NECTIN4: variants seen among roughly 807,000 people sequenced by gnomAD.
NECTIN4 encodes nectin-4.
A neutral mutation model predicts 51.7 loss-of-function variants in NECTIN4; 19 were observed. That is an observed-to-expected ratio of 0.37 (90% CI 0.26 to 0.54). The LOEUF is 0.54. Ranked by LOEUF, NECTIN4 falls within the 20% of genes least tolerant of loss-of-function variation. The pLI is 0.86. For synonymous variants in NECTIN4, 283 were observed against 286.9 expected, an observed-to-expected ratio of 0.99 and a Z score of 0.14; for missense variants, 619 against 662.4, an observed-to-expected ratio of 0.93 and a Z score of 0.72.
chr1:161,074,871 C>T lies in NECTIN4; in HGVS notation c.852-112G>A. Reference sequence around the variant, plus strand: ...ACCCCCATGACGTCACCCAGAGCCGCAGGCTGTTCCCACGGTGCCCCTCCC... The same window carrying T: ...ACCCCCATGACGTCACCCAGAGCCGTAGGCTGTTCCCACGGTGCCCCTCCC... On this transcript the variant is annotated intron_variant, in intron 4 of 8. Coordinates refer to ENST00000368012, the MANE Select transcript of NECTIN4 (RefSeq NM_030916.3). The T allele has an allele frequency of 5.8e-6, 7 of 1,200,140 alleles. No homozygotes were observed. The South Asian group carries it at 1.0e-4, about 17-fold the overall frequency. 74.3% of individuals were successfully genotyped at this position (1,200,140 alleles called of 1,614,324 possible). A position where few individuals can be genotyped will look rare whatever the true frequency, so the allele number is the denominator to read the frequency against.
intron 1 of NECTIN4, among the ~76,000 whole-genome samples, chr1:161,084,052 G>C (rs575284485): frequency 2.0e-5 from 3 of 152,240 alleles, no homozygotes; most frequent in African/African-American, 7.2e-5. Flanking sequence ...GGATCGTAGA[G>C]GTGGGTCTGT....
chr1:161,075,787 A>G (rs375480186), intron 4 of NECTIN4, among the ~76,000 whole-genome samples: 1 of 148,822 alleles, frequency 6.7e-6, no homozygotes, highest in East Asian at 2.0e-4. Flanking sequence ...AATAAAAATA[A>G]AAGACAAGGG....
At chr1:161,073,445 A>AT in intron 7 of NECTIN4, 146 bp from the exon 8 acceptor site, 7 of 753,678 alleles carry the variant, frequency 9.3e-6, no homozygotes, top group Non-Finnish European at 1.1e-5. Context: ...AAACATCCTC[A>AT]TTTCCCCACT....
chr1:161,079,973 C>T, intron 1 of NECTIN4, 24 bp from the exon 2 acceptor site: 1 of 1,578,532 alleles, frequency 6.3e-7, no homozygotes. Context: ...AGAGGGACAG[C>T]CACCATTAGG....
intron 1 of NECTIN4, among the ~76,000 whole-genome samples, chr1:161,088,550 G>T (rs1026811899): frequency 1.2e-4 from 18 of 152,142 alleles, no homozygotes; most frequent in African/African-American, 4.1e-4. Flanking sequence ...TATCTAGAAG[G>T]TTCCCTTCCT....
At chr1:161,074,501 C>T (rs1653323332) in intron 5 of NECTIN4, 110 bp downstream of exon 5, 10 of 1,573,316 alleles carry the variant, frequency 6.4e-6, no homozygotes, top group Non-Finnish European at 8.7e-6. Flanking sequence ...CACAGCCCAG[C>T]CCCCTCTGAA....
At position 161,072,856 on chromosome 1, in the gene NECTIN4, G is replaced by A. The variant is rs141513567; in HGVS notation, c.1338C>T (p.Ser446=). The stretch of plus-strand genomic sequence containing the variant: ...CTATCTCCCTCACCGTGGTCAGCGT[G>A]GAGTAACTGCGGCCCTCGGGCTCTT... The part of the protein sequence containing the change: ...MSEEPEGRSY[S]TLTTVREIET... The change falls in exon 9 of 9, where the codon TCC becomes TCT. Residue 446 remains serine, a synonymous_variant. Transcript: ENST00000368012. The A allele has an allele frequency of 2.8e-4, 459 of 1,614,076 alleles. 3 individuals carry two copies. The Admixed American group carries it at 7.6e-3, about 27-fold the overall frequency.
At chr1:161,079,368 A>G (rs1236925020) in intron 2 of NECTIN4, among the ~76,000 whole-genome samples, 1 of 152,252 alleles carries the variant, frequency 6.6e-6, no homozygotes, top group Non-Finnish European at 1.5e-5. Flanking sequence ...GTCGGAAGGA[A>G]GAACTTCCTA....
chr1:161,086,335 G>T (rs1653944455), intron 1 of NECTIN4, among the ~76,000 whole-genome samples: 1 of 152,096 alleles, frequency 6.6e-6, no homozygotes. Flanking sequence ...GGCTTCCCTG[G>T]GATTCTCCCA....
At chr1:161,074,836 T>G (rs1653340204) in intron 4 of NECTIN4, 77 bp from the exon 5 acceptor site, 9 of 1,462,342 alleles carry the variant, frequency 6.2e-6, no homozygotes, top group East Asian at 2.4e-5. Flanking sequence ...CAGACAGCTC[T>G]CCACCCTCCA....
At chr1:161,083,166 G>A (rs948136831) in intron 1 of NECTIN4, among the ~76,000 whole-genome samples, 1 of 152,112 alleles carries the variant, frequency 6.6e-6, no homozygotes, top group Non-Finnish European at 1.5e-5. Flanking sequence ...AGTAAAACAG[G>A]AAATTCCCTT....
At position 161,072,689 on chromosome 1, in the gene NECTIN4, T is replaced by C. The variant is rs1653227559; in HGVS notation, c.1505A>G (p.Tyr502Cys). ...GACCAGGTGTCCCCGCCCATTGATG[T>C]AGATGCCATTGCCCGTGGGCTTGGC... ...LRAKPTGNGI[Y>C]INGRGHLV The change falls in exon 9 of 9, where the codon TAC (tyrosine) becomes TGC (cysteine). Residue 502 changes from tyrosine (Y) to cysteine (C), a missense_variant. Transcript: ENST00000368012. 1.2e-6 allele frequency: 2 copies of C among 1,614,096 alleles called. No individual in the cohort carries two copies. The highest frequency in any genetic ancestry group is 2.2e-5 in the South Asian group (2 of 91,092).
At position 161,089,095 on chromosome 1, in the gene NECTIN4, A is replaced by C; in HGVS notation, c.79+123T>G. 1.1e-6 allele frequency: 1 copy of C among 918,980 alleles called. No individual in the cohort carries two copies. Among genetic ancestry groups the C allele is most frequent in the Non-Finnish European group, 1.8e-6 (1 of 559,708 alleles). The allele number at this position is 918,980 out of a possible 1,614,324, so 56.9% of individuals were successfully genotyped here. ...TGGGGGCAGGAGAGACTGGATCCTC[A>C]GTTCAGAGTCAAAGAAAGGAGGATA... On this transcript the variant is annotated intron_variant, in intron 1 of 8. Transcript: ENST00000368012. This position sits in a 1 kb window ranked among gnomAD's most constrained non-coding sequence, Gnocchi z 4.1.
intron 4 of NECTIN4, 105 bp downstream of exon 4, chr1:161,076,250 T>G: frequency 7.6e-7 from 1 of 1,307,400 alleles, no homozygotes; most frequent in Non-Finnish European, 1.1e-6. Flanking sequence ...CCCAATTTAT[T>G]TGGGGGCTCA....
rs988899910 is a variant in NECTIN4 at position 161,072,391 on chromosome 1, C to T, written c.*270G>A. 2.0e-5 allele frequency: 11 copies of T among 553,244 alleles called. No individual in the cohort carries two copies. Among genetic ancestry groups the T allele is most frequent in the Admixed American group, 1.8e-4 (6 of 33,098 alleles). The allele number at this position is 553,244 out of a possible 1,614,324, so 34.3% of individuals were successfully genotyped here. On this transcript the variant is annotated 3_prime_UTR_variant, in exon 9 of 9. Coordinates refer to ENST00000368012, the MANE Select transcript of NECTIN4 (RefSeq NM_030916.3). ...CACCACGGACACAGTCACCCCTCCACGGACAGTCACCCCTCCACACACACA... is the reference window on the plus strand; with the variant it reads ...CACCACGGACACAGTCACCCCTCCATGGACAGTCACCCCTCCACACACACA...
chr1:161,073,666 C>T (rs887277762), intron 7 of NECTIN4, 54 bp downstream of exon 7: 6 of 1,450,872 alleles, frequency 4.1e-6, no homozygotes, highest in Non-Finnish European at 5.8e-6. Context: ...CAGGCACAAG[C>T]AGACCCCAAT....
rs1002250465 is a variant in NECTIN4 at position 161,089,467 on chromosome 1, C to T, written c.-171G>A. On this transcript the variant is annotated 5_prime_UTR_variant, in exon 1 of 9. Transcript: ENST00000368012. This position sits in a 1 kb window ranked among gnomAD's most constrained non-coding sequence, Gnocchi z 4.1. ...CAGCCCCAGCCCCGGCCCCGTTCTACACACCCAGCCGTAGCTACCCCCAAG... is the reference window on the plus strand; with the variant it reads ...CAGCCCCAGCCCCGGCCCCGTTCTATACACCCAGCCGTAGCTACCCCCAAG... 1.1e-5 allele frequency: 7 copies of T among 654,104 alleles called. No individual in the cohort carries two copies. Among genetic ancestry groups the T allele is most frequent in the East Asian group, 2.8e-5 (1 of 36,160 alleles). 40.5% of individuals were successfully genotyped at this position (654,104 alleles called of 1,614,324 possible).
At chr1:161,074,799 G>C (rs1033187590) in intron 4 of NECTIN4, 40 bp from the exon 5 acceptor site, 3 of 1,601,800 alleles carry the variant, frequency 1.9e-6, no homozygotes, top group Non-Finnish European at 1.7e-6. Context: ...GCCGGGAAGG[G>C]CTGAAGCCAC....
chr1:161,081,448 C>T (rs1054096563), intron 1 of NECTIN4, among the ~76,000 whole-genome samples: 4 of 152,048 alleles, frequency 2.6e-5, no homozygotes, highest in Non-Finnish European at 5.9e-5. Context: ...AAGGCAGCTC[C>T]TAAATTTCTA....
Sources: gnomAD v4.1 joint callset for allele counts (sites outside exome capture counted in the v4.1 genomes callset) on GRCh38, gnomAD v4.1.1 for gene constraint, Gnocchi (gnomAD v3.1) non-coding constraint, MANE v1.5 for transcripts, NCBI Gene and HGNC (gene_info 2026-07-23, HGNC 2026-07-21) for gene names.